The following RALGDS variants were observed in gnomAD, a reference collection of about 807,000 sequenced individuals.
The protein encoded by RALGDS is ral guanine nucleotide dissociation stimulator, also known as ral guanine nucleotide exchange factor.
RALGDS carries 44 observed loss-of-function variants against 99.8 expected under a neutral mutation model. The observed-to-expected ratio is 0.44, with a 90% confidence interval of 0.35 to 0.57. RALGDS has a LOEUF of 0.57. RALGDS is among the 20% of genes least tolerant of loss of function. The pLI, the probability that RALGDS is intolerant of heterozygous loss-of-function variation, is 0.01. For missense variants in RALGDS, 1,022 were observed against 1,203.1 expected (o/e 0.85, Z 2.23); for synonymous variants, 529 against 505.0 (o/e 1.05, Z -0.64).
intron 1 of RALGDS, among the ~76,000 whole-genome samples, chr9:133,128,924 G>A (rs1016430473): frequency 2.0e-5 from 3 of 152,300 alleles, no homozygotes; most frequent in Non-Finnish European, 2.9e-5. Context: ...GAGGCCAAGC[G>A]TGTGCACACG....
chr9:133,136,382 A>G (rs1056093548), intron 1 of RALGDS, among the ~76,000 whole-genome samples: 2 of 152,226 alleles, frequency 1.3e-5, no homozygotes, highest in Non-Finnish European at 2.9e-5. Context: ...TCACGCCTGT[A>G]ATCCCAGCAC....
intron 1 of RALGDS, among the ~76,000 whole-genome samples, chr9:133,140,830 G>A (rs1445784366): frequency 2.0e-5 from 3 of 152,106 alleles, no homozygotes; most frequent in Admixed American, 6.5e-5. Context: ...CGTGGCATCC[G>A]GCAAGAACGT....
At chr9:133,103,000 C>T in intron 12 of RALGDS, 100 bp from the exon 13 acceptor site, 1 of 1,536,728 alleles carries the variant, frequency 6.5e-7, no homozygotes, top group Non-Finnish European at 8.8e-7. Context: ...CTCCCCTCTA[C>T]TCCCATCCAG....
chr9:133,133,778 G>A (rs1832382358), upstream of RALGDS, among the ~76,000 whole-genome samples: 1 of 152,216 alleles, frequency 6.6e-6, no homozygotes, highest in Non-Finnish European at 1.5e-5. Context: ...CTGGGATAAT[G>A]CACCTGGCCA....
Position 133,103,846 on chromosome 9 carries a change from G to T in RALGDS, c.1672-13C>A, listed in dbSNP as rs928833522. Reference sequence around the variant, plus strand: ...CCTGGATGATGCCCTGTGACATTGGGGTAGGAGGATGAGCAAGGCCCCTCC... The same window carrying T: ...CCTGGATGATGCCCTGTGACATTGGTGTAGGAGGATGAGCAAGGCCCCTCC... On this transcript the variant is annotated splice_polypyrimidine_tract_variant and intron_variant, in intron 10 of 17. Coordinates refer to ENST00000372050, the MANE Select transcript of RALGDS (RefSeq NM_006266.4). The T allele has an allele frequency of 6.2e-7, 1 of 1,611,788 alleles. No individual in the cohort carries two copies. The highest frequency in any genetic ancestry group is 2.2e-5 in the East Asian group (1 of 44,872).
intron 10 of RALGDS, 56 bp downstream of exon 10, chr9:133,104,207 C>T (rs1830905059): frequency 6.5e-7 from 1 of 1,532,988 alleles, no homozygotes; most frequent in Non-Finnish European, 9.0e-7. Context: ...GGAAAGGGCC[C>T]TCCTCCCTAC....
intron 4 of RALGDS, 100 bp downstream of exon 4, chr9:133,109,526 G>T: frequency 1.8e-6 from 2 of 1,095,976 alleles, no homozygotes; most frequent in South Asian, 1.2e-5. Context: ...TGGGAGCCAG[G>T]GTTCTGCCCA....
Position 133,103,738 on chromosome 9 carries a change from C to A in RALGDS, c.1758+9G>T. 1 of 1,613,106 alleles carries A rather than the reference C, an allele frequency of 6.2e-7. No homozygotes were observed. ...CGGGCCCTACTCCAGCCCCGCCCGG[C>A]ACACTCACATACAGATAGTCCTTCA... is the stretch of plus-strand genomic sequence containing the variant. On this transcript the variant is annotated intron_variant, in intron 11 of 17. Transcript: ENST00000372050.
At position 133,102,874 on chromosome 9, in the gene RALGDS, C is replaced by T. The variant is rs781112003; in HGVS notation, c.1818G>A (p.Lys606=). 5.0e-6 allele frequency: 8 copies of T among 1,613,586 alleles called. No homozygotes were observed. The highest frequency in any genetic ancestry group is 2.2e-5 in the South Asian group (2 of 90,932). The change falls in exon 13 of 18, where the codon AAG becomes AAA. Residue 606 remains lysine, a synonymous_variant. Coordinates refer to ENST00000372050, the MANE Select transcript of RALGDS (RefSeq NM_006266.4). The part of the protein sequence containing the change: ...RKEFEVIAQI[K]LLQSACNNYS... ...AGTTGTTGCAGGCCGACTGCAGCAG[C>T]TTGATCTGGGCGATCACCTCGAACT...
In RALGDS at chr9:133,103,175, C is replaced by T. The variant is rs1830843192; in HGVS notation, c.1791+55G>A. On this transcript the variant is annotated intron_variant, in intron 12 of 17. Coordinates refer to ENST00000372050, the MANE Select transcript of RALGDS (RefSeq NM_006266.4). The stretch of plus-strand genomic sequence containing the variant: ...AGGGTAGGAGTTGAAATGTCCTACC[C>T]TGGTGGGTCTGTTTTCCACCCCTCC... The T allele has an allele frequency of 1.9e-6, 3 of 1,602,298 alleles. No homozygotes were observed. In the South Asian group the frequency reaches 3.3e-5, roughly 18 times the overall value.
At chr9:133,110,248 GGGGCGA>G (rs1425774989) in intron 3 of RALGDS, 42 bp downstream of exon 3, 2 of 1,561,274 alleles carry the variant, frequency 1.3e-6, no homozygotes, top group South Asian at 2.2e-5. Context: ...GGTGGGGGTG[GGGGCGA>G]GGGCCCCTGT....
chr9:133,107,125 T>A lies in RALGDS; in HGVS notation c.1373A>T (p.Asp458Val), dbSNP rs752914497. The A allele has an allele frequency of 6.2e-7, 1 of 1,613,710 alleles. No individual in the cohort carries two copies. Among genetic ancestry groups the A allele is most frequent in the South Asian group, 1.1e-5 (1 of 91,090 alleles). ...CLGNRSTKAP[D>V]RARVVEHWIE... ...CCAGTGCTCCACCACCCTGGCCCTG[T>A]CTGGGGCTTTCGTGCTTCGGTTCCC... is the stretch of plus-strand genomic sequence containing the variant. The change falls in exon 7 of 18, where the codon GAC becomes GTC. Residue 458 changes from aspartate (D) to valine (V), a missense_variant. By Grantham distance (152) the Asp-to-Val change is radical. This residue lies in a region of RALGDS where 825 missense variants were observed against 994.5 expected (regional missense o/e 0.83). Coordinates refer to ENST00000372050, the MANE Select transcript of RALGDS (RefSeq NM_006266.4).
At chr9:133,102,935 G>T (rs1554738691) in intron 12 of RALGDS, 35 bp from the exon 13 acceptor site, 3 of 1,610,550 alleles carry the variant, frequency 1.9e-6, no homozygotes, top group Non-Finnish European at 1.7e-6. Flanking sequence ...CGGTGACAAG[G>T]CCCCCCGGGC....
chr9:133,104,407 G>A, intron 9 of RALGDS, 76 bp from the exon 10 acceptor site: 1 of 1,348,286 alleles, frequency 7.4e-7, no homozygotes. Flanking sequence ...GGTGCTGCCA[G>A]TGTGGTCGGG....
At chr9:133,123,128 G>A (rs1021198251), upstream of RALGDS, among the ~76,000 whole-genome samples, 4 of 151,968 alleles carry the variant, frequency 2.6e-5, no homozygotes, top group African/African-American at 4.8e-5. Context: ...GGCGTATTTC[G>A]AGGCAGGAGG....
intron 1 of RALGDS, chr9:133,129,429 T>TCACCC: frequency 1.4e-6 from 2 of 1,406,662 alleles, no homozygotes; most frequent in Non-Finnish European, 9.2e-7. Context: ...GGGCCTGGTG[T>TCACCC]CACCCGCGTG....
rs762354209 is a variant in RALGDS, at chr9:133,108,757, T to C, written c.694A>G (p.Met232Val). ...CGGCGCTCCAGGTCTGAGCCTGGCA[T>C]GTTGAGCTGCACGTAGGCCACCAGC... ...KQLVAYVQLNMPGSDLERRAH... is the reference protein window; with the variant it reads ...KQLVAYVQLNVPGSDLERRAH... The change falls in exon 5 of 18, where the codon ATG becomes GTG. Residue 232 changes from methionine to valine, a missense_variant. Met to Val is a conservative substitution (Grantham distance 21). Transcript: ENST00000372050. The C allele has an allele frequency of 2.5e-6, 4 of 1,613,642 alleles. No homozygotes were observed. The highest frequency in any genetic ancestry group is 3.3e-5 in the Admixed American group (2 of 60,018).
At chr9:133,103,289 CAG>C in intron 11 of RALGDS, 27 bp from the exon 12 acceptor site, 1 of 1,613,880 alleles carries the variant, frequency 6.2e-7, no homozygotes, top group Non-Finnish European at 8.5e-7. Context: ...CAATGGCCGT[CAG>C]AAAGTGACCC....
chr9:133,110,399 C>G lies in RALGDS; in HGVS notation c.385G>C (p.Val129Leu), dbSNP rs1345690003. 6.2e-7 allele frequency: 1 copy of G among 1,613,420 alleles called. No individual in the cohort carries two copies. The highest frequency in any genetic ancestry group is 1.7e-5 in the Admixed American group (1 of 60,024). The change falls in exon 3 of 18, where the codon GTG becomes CTG. Residue 129 changes from valine (V) to leucine (L), a missense_variant. Physicochemically the swap from Val to Leu is conservative, Grantham distance 32. This residue lies in a region of RALGDS where 17 missense variants were observed against 39.3 expected (regional missense o/e 0.43). Coordinates refer to ENST00000372050, the MANE Select transcript of RALGDS (RefSeq NM_006266.4). ...GTLEKLVEHL[V>L]PAFQGSDLSY... ...AGGTCGCTGCCCTGGAAGGCTGGCA[C>G]CAGGTGCTCCACCAGCTTCTCCAGC...
Sources: gnomAD v4.1 joint callset for allele counts (sites outside exome capture counted in the v4.1 genomes callset) on GRCh38, gnomAD v4.1.1 for gene constraint, gnomAD v4.1.1 regional missense constraint, MANE v1.5 for transcripts, NCBI Gene and HGNC (gene_info 2026-07-23, HGNC 2026-07-21) for gene names.